NXPH1: variants seen among roughly 807,000 people sequenced by gnomAD.
NXPH1 encodes the protein neurexophilin 1.
NXPH1 carries 5 observed loss-of-function variants against 23.7 expected under a neutral mutation model. The observed-to-expected ratio is 0.21, with a 90% CI of 0.11 to 0.44. NXPH1 has a LOEUF of 0.44. Among genes scored for constraint, NXPH1 ranks in the 20% least tolerant of loss-of-function variants. The pLI is 0.99. For synonymous variants in NXPH1, 144 were observed against 122.2 expected, an observed-to-expected ratio of 1.18 and a Z score of -1.18; for missense variants, 324 against 321.6, an observed-to-expected ratio of 1.01 and a Z score of -0.06.
chr7:8,662,402 A>G lies in NXPH1; in HGVS notation c.55-88606A>G, dbSNP rs569886761. Reference sequence around the variant, plus strand: ...TAAATGTCAGAACAGGTACCCTTAAACTATGGGGATAAGTTTTGGCTTAAG... The same window carrying G: ...TAAATGTCAGAACAGGTACCCTTAAGCTATGGGGATAAGTTTTGGCTTAAG... On this transcript the variant is annotated intron_variant, in intron 2 of 2. Transcript: ENST00000405863. 1.6e-4 allele frequency among the ~76,000 whole-genome samples: 14 copies of G among 87,268 alleles called. No individual in the cohort carries two copies. In the East Asian group the frequency reaches 5.8e-3, roughly 36 times the overall value. The allele number at this position is 87,268 out of a possible 152,430, so 57.3% of individuals were successfully genotyped here. A position where few individuals can be genotyped will look rare whatever the true frequency, so the allele number is the denominator to read the frequency against.
At chr7:8,728,563 T>C (rs1485194662) in intron 2 of NXPH1, among the ~76,000 whole-genome samples, 1 of 152,190 alleles carries the variant, frequency 6.6e-6, no homozygotes, top group Non-Finnish European at 1.5e-5. Flanking sequence ...TGTTGAATTT[T>C]GTCAAAGGCC....
chr7:8,472,391 AC>A (rs1458671282), intron 2 of NXPH1, among the ~76,000 whole-genome samples: 1 of 152,120 alleles, frequency 6.6e-6, no homozygotes, highest in African/African-American at 2.4e-5. Context: ...TTCCTTGACC[AC>A]CTGGTGAGGG....
intron 2 of NXPH1, among the ~76,000 whole-genome samples, chr7:8,649,115 C>CTT (rs1199551858): frequency 1.3e-5 from 2 of 151,738 alleles, no homozygotes; most frequent in Non-Finnish European, 2.9e-5. Flanking sequence ...TTCTTTCAAC[C>CTT]TTTATATACA....
chr7:8,680,918 G>C (rs11762794), intron 2 of NXPH1, among the ~76,000 whole-genome samples: 58,306 of 152,076 alleles, frequency 0.38, 11,743 homozygotes, highest in African/African-American at 0.5. Context: ...TGACCTAAAG[G>C]TATCAGCAAC....
intron 2 of NXPH1, among the ~76,000 whole-genome samples, chr7:8,619,854 C>T (rs146342455): frequency 2.6e-5 from 4 of 152,116 alleles, no homozygotes; most frequent in African/African-American, 9.7e-5. Flanking sequence ...CTCTATTTTA[C>T]AACAAGGAAG....
chr7:8,441,504 T>C (rs1361254840), intron 2 of NXPH1, among the ~76,000 whole-genome samples: 1 of 152,098 alleles, frequency 6.6e-6, no homozygotes, highest in Non-Finnish European at 1.5e-5. Flanking sequence ...TAATCAAGGA[T>C]AAAAAGGTTC....
intron 2 of NXPH1, among the ~76,000 whole-genome samples, chr7:8,539,059 C>T (rs1017351706): frequency 2.6e-5 from 4 of 151,792 alleles, no homozygotes; most frequent in African/African-American, 4.8e-5. Context: ...TCATTTGGCT[C>T]AACAGCGAAC....
chr7:8,639,449 C>G (rs1820271745), intron 2 of NXPH1, among the ~76,000 whole-genome samples: 1 of 151,384 alleles, frequency 6.6e-6, no homozygotes, highest in Non-Finnish European at 1.5e-5. Flanking sequence ...TACATAGCTA[C>G]CATCGGTGTA....
intron 2 of NXPH1, among the ~76,000 whole-genome samples, chr7:8,655,451 TAC>T (rs71017603): frequency 0.018 from 2,507 of 139,022 alleles, 97 homozygotes; most frequent in African/African-American, 0.061. Context: ...TCTCTCTCTA[TAC>T]ACACACACAC....
intron 2 of NXPH1, among the ~76,000 whole-genome samples, chr7:8,578,465 T>C (rs1374982208): frequency 6.6e-6 from 1 of 152,216 alleles, no homozygotes; most frequent in African/African-American, 2.4e-5. Context: ...CTTTTCAGAA[T>C]TCATGCCATA....
chr7:8,501,123 T>G (rs1048426950), intron 2 of NXPH1, among the ~76,000 whole-genome samples: 1 of 152,054 alleles, frequency 6.6e-6, no homozygotes, highest in Non-Finnish European at 1.5e-5. Context: ...CTTTGAAAAA[T>G]CTATCAGCTG....
At chr7:8,569,055 C>G (rs1167221827) in intron 2 of NXPH1, among the ~76,000 whole-genome samples, 1 of 151,842 alleles carries the variant, frequency 6.6e-6, no homozygotes, top group African/African-American at 2.4e-5. Context: ...GAAATTCGAA[C>G]ACAGAGTAAT....
At chr7:8,702,870 A>G (rs1326904308) in intron 2 of NXPH1, among the ~76,000 whole-genome samples, 1 of 152,056 alleles carries the variant, frequency 6.6e-6, no homozygotes, top group Non-Finnish European at 1.5e-5. Context: ...TTTTTTCTTC[A>G]TATAAAATAT....
At chr7:8,541,974 A>G (rs1285668016) in intron 2 of NXPH1, among the ~76,000 whole-genome samples, 3 of 151,590 alleles carry the variant, frequency 2.0e-5, no homozygotes, top group African/African-American at 7.2e-5. Flanking sequence ...ACTAATAGCG[A>G]GATAATGATA....
chr7:8,688,859 A>T (rs913076700), intron 2 of NXPH1, among the ~76,000 whole-genome samples: 1 of 152,206 alleles, frequency 6.6e-6, no homozygotes, highest in African/African-American at 2.4e-5. Flanking sequence ...GCAGAACAGG[A>T]TTACAGCTTT....
At position 8,739,202 on chromosome 7, in the gene NXPH1, A is replaced by C. The variant is rs1009452223; in HGVS notation, c.55-11806A>C. Reference sequence around the variant, plus strand: ...AAAAAAAAAAAAAAAAAAAAAAAAAAAACCCTGCAGCTAGCTCTTTGTCTG... The same window carrying C: ...AAAAAAAAAAAAAAAAAAAAAAAAACAACCCTGCAGCTAGCTCTTTGTCTG... On this transcript the variant is annotated intron_variant, in intron 2 of 2. Transcript: ENST00000405863. Among the ~76,000 whole-genome samples, 17 of 145,884 alleles carry C rather than the reference A, an allele frequency of 1.2e-4. 1 individual carries two copies. The highest frequency in any genetic ancestry group is 6.6e-4 in the South Asian group (3 of 4,546).
At chr7:8,603,539 A>G (rs988396539) in intron 2 of NXPH1, among the ~76,000 whole-genome samples, 1 of 152,076 alleles carries the variant, frequency 6.6e-6, no homozygotes, top group Non-Finnish European at 1.5e-5. Flanking sequence ...TGCCTTCATC[A>G]TTTTGGGTAT....
intron 2 of NXPH1, among the ~76,000 whole-genome samples, chr7:8,444,002 A>C (rs866290874): frequency 1.3e-5 from 2 of 152,162 alleles, no homozygotes; most frequent in Non-Finnish European, 2.9e-5. Context: ...GGTCACTTAA[A>C]GTGCGCCCAG....
intron 2 of NXPH1, among the ~76,000 whole-genome samples, chr7:8,658,884 A>C (rs963247987): frequency 7.9e-5 from 12 of 152,288 alleles, no homozygotes; most frequent in Middle Eastern, 6.8e-3. Context: ...TGAATGGTCT[A>C]AAAGAAATAA....
Sources: allele counts gnomAD v4.1 joint callset (sites outside exome capture counted in the v4.1 genomes callset), GRCh38; gene constraint gnomAD v4.1.1; transcripts MANE v1.5; gene names NCBI Gene and HGNC (gene_info 2026-07-23, HGNC 2026-07-21).